COLGALT2: variants seen among roughly 807,000 people sequenced by gnomAD.
The protein encoded by COLGALT2 is collagen beta(1-O)galactosyltransferase 2.
COLGALT2 carries 49 observed loss-of-function variants against 73.4 expected under a neutral mutation model. The ratio of observed to expected loss-of-function variants is 0.67; its 90% CI spans 0.53 to 0.85. The LOEUF is 0.85. COLGALT2 is among the 40% of genes least tolerant of loss of function. COLGALT2 has a pLI of 0.00. For synonymous variants in COLGALT2, 295 were observed against 307.6 expected (o/e 0.96, Z 0.43); for missense variants, 722 against 790.2 (o/e 0.91, Z 1.03).
At chr1:183,933,417 C>T (rs1669885105), downstream of COLGALT2, among the ~76,000 whole-genome samples, 1 of 152,208 alleles carries the variant, frequency 6.6e-6, no homozygotes. Context: ...TCATGGTTTC[C>T]TCCCCTGAGC....
chr1:183,961,051 G>A (rs550718663), intron 6 of COLGALT2, among the ~76,000 whole-genome samples: 13 of 152,080 alleles, frequency 8.5e-5, no homozygotes, highest in Admixed American at 5.9e-4. Context: ...AATCTTACAC[G>A]GACTTCTAGG....
downstream of COLGALT2, among the ~76,000 whole-genome samples, chr1:183,931,561 G>A (rs574766195): frequency 1.3e-5 from 2 of 152,310 alleles, no homozygotes; most frequent in South Asian, 4.1e-4. Flanking sequence ...ACTGACAGGA[G>A]TTAACAAAGG....
chr1:184,036,003 C>T (rs1368191738), intron 1 of COLGALT2, among the ~76,000 whole-genome samples: 1 of 152,232 alleles, frequency 6.6e-6, no homozygotes, highest in Non-Finnish European at 1.5e-5. Flanking sequence ...CTCTTCCTCT[C>T]TTTGCCCAAC....
At chr1:183,981,564 G>C (rs1182167942) in intron 1 of COLGALT2, among the ~76,000 whole-genome samples, 1 of 152,120 alleles carries the variant, frequency 6.6e-6, no homozygotes, top group African/African-American at 2.4e-5. Context: ...GGCTGAGGCA[G>C]GAGAATCGCT....
rs944899430 is a variant in COLGALT2 at position 183,938,520 on chromosome 1, A to T, written c.*241T>A. The T allele has an allele frequency of 7.2e-7, 1 of 1,384,654 alleles. No homozygotes were observed. The highest frequency in any genetic ancestry group is 9.3e-7 in the Non-Finnish European group (1 of 1,070,134). 85.8% of individuals were successfully genotyped at this position (1,384,654 alleles called of 1,614,324 possible). A position where few individuals can be genotyped will look rare whatever the true frequency, so the allele number is the denominator to read the frequency against. On this transcript the variant is annotated 3_prime_UTR_variant, in exon 12 of 12. Coordinates refer to ENST00000361927, the MANE Select transcript of COLGALT2 (RefSeq NM_015101.4). ...GAATTAGGTGTCTGGATTACAGTTT[A>T]TCTTAACAGTTTCCAAAAAACCTGT...
chr1:183,948,128 T>C (rs1014974072), intron 8 of COLGALT2, among the ~76,000 whole-genome samples: 1 of 152,066 alleles, frequency 6.6e-6, no homozygotes, highest in Non-Finnish European at 1.5e-5. Flanking sequence ...TAGAACCAGA[T>C]GGCTTCACTA....
intron 1 of COLGALT2, among the ~76,000 whole-genome samples, chr1:183,994,060 A>C (rs1671705640): frequency 2.1e-5 from 2 of 94,724 alleles, no homozygotes; most frequent in Non-Finnish European, 3.9e-5. Flanking sequence ...TTTTTTTGAG[A>C]CAGAGTCTTG....
At chr1:183,946,731 T>A (rs539294774) in intron 8 of COLGALT2, 1 of 152,166 alleles carries the variant, frequency 6.6e-6, no homozygotes, top group South Asian at 2.1e-4. Flanking sequence ...CATTTTTTAA[T>A]GATAAAAAGG....
At chr1:183,975,276 A>G in intron 2 of COLGALT2, 62 bp from the exon 3 acceptor site, 1 of 917,352 alleles carries the variant, frequency 1.1e-6, no homozygotes, top group Non-Finnish European at 1.7e-6. Flanking sequence ...TCTGTCCTAA[A>G]TGTTTATATG....
In COLGALT2 at chr1:183,937,820, T is replaced by C. The variant is rs1669998405; in HGVS notation, c.*941A>G. ...GCAAGGATAGTTGCTGGCCTGAAAA[T>C]GTGCTCTGTCTCTTAGCAGTGACTC... is the stretch of plus-strand genomic sequence containing the variant. On this transcript the variant is annotated 3_prime_UTR_variant, in exon 12 of 12. Coordinates refer to ENST00000361927, the MANE Select transcript of COLGALT2 (RefSeq NM_015101.4). 1 of 985,314 alleles carries C rather than the reference T, an allele frequency of 1.0e-6. No homozygotes were observed. The highest frequency in any genetic ancestry group is 1.7e-5 in the African/African-American group (1 of 57,226). The allele number at this position is 985,314 out of a possible 1,614,324, so 61.0% of individuals were successfully genotyped here. A position where few individuals can be genotyped will look rare whatever the true frequency, so the allele number is the denominator to read the frequency against.
chr1:184,037,347 C>T lies in COLGALT2; in HGVS notation c.11G>A (p.Arg4His), dbSNP rs1269615781. The T allele has an allele frequency of 1.3e-6, 2 of 1,482,806 alleles. No individual in the cohort carries two copies. The highest frequency in any genetic ancestry group is 1.8e-6 in the Non-Finnish European group (2 of 1,115,908). The allele number at this position is 1,482,806 out of a possible 1,614,324, so 91.9% of individuals were successfully genotyped here. Residue 4 changes from arginine (R) to histidine (H), a missense_variant, in exon 1 of 12, where the codon CGC (arginine) becomes CAC (histidine). By Grantham distance (29) the Arg-to-His change is conservative. Transcript: ENST00000361927. ...CGACCAGGCGAGGGTGGCAGCAGGG[C>T]GCGCAGCCATGTTCCGGGCCGAGGC... MAA[R>H]PAATLAWSLL...
chr1:183,969,180 T>TG, intron 5 of COLGALT2, 89 bp downstream of exon 5: 1 of 803,380 alleles, frequency 1.2e-6, no homozygotes, highest in Non-Finnish European at 1.7e-6. Flanking sequence ...CATATGAGGG[T>TG]TTTTTTTTTT....
chr1:184,012,456 A>G (rs1174429739), intron 1 of COLGALT2, among the ~76,000 whole-genome samples: 1 of 152,194 alleles, frequency 6.6e-6, no homozygotes, highest in Non-Finnish European at 1.5e-5. Context: ...TTTTCTTAAA[A>G]GAGAGAGAAA....
chr1:184,027,990 C>CA (rs1223897032), intron 1 of COLGALT2, among the ~76,000 whole-genome samples: 2 of 152,192 alleles, frequency 1.3e-5, no homozygotes, highest in Non-Finnish European at 1.5e-5. Flanking sequence ...GTGGAAGCTG[C>CA]ATATAAGCTT....
chr1:184,001,935 C>T (rs1287207654), intron 1 of COLGALT2, among the ~76,000 whole-genome samples: 1 of 152,256 alleles, frequency 6.6e-6, no homozygotes, highest in Non-Finnish European at 1.5e-5. Context: ...CCTAATGCTT[C>T]TCTGGCAGAA....
intron 1 of COLGALT2, among the ~76,000 whole-genome samples, chr1:183,987,237 T>C (rs747358388): frequency 6.6e-6 from 1 of 152,206 alleles, no homozygotes; most frequent in East Asian, 1.9e-4. Context: ...TCGTTCTCCT[T>C]TGGCCCTTGT....
intron 1 of COLGALT2, among the ~76,000 whole-genome samples, chr1:184,014,886 G>A (rs1165407027): frequency 6.6e-6 from 1 of 152,148 alleles, no homozygotes; most frequent in East Asian, 1.9e-4. Flanking sequence ...AAATGTCCAT[G>A]GAAATGATGA....
intron 1 of COLGALT2, among the ~76,000 whole-genome samples, chr1:184,008,643 T>C (rs1490575982): frequency 6.6e-6 from 1 of 152,118 alleles, no homozygotes; most frequent in Non-Finnish European, 1.5e-5. Flanking sequence ...GGCAGGAGGA[T>C]CCCTTGAGCC....
intron 1 of COLGALT2, among the ~76,000 whole-genome samples, chr1:184,004,635 G>C (rs1278431236): frequency 6.6e-6 from 1 of 152,162 alleles, no homozygotes; most frequent in Non-Finnish European, 1.5e-5. Context: ...TGGCACTGTA[G>C]ATGATTTACA....
Sources: gnomAD v4.1 joint callset for allele counts (sites outside exome capture counted in the v4.1 genomes callset) on GRCh38, gnomAD v4.1.1 for gene constraint, MANE v1.5 for transcripts, NCBI Gene and HGNC (gene_info 2026-07-23, HGNC 2026-07-21) for gene names.